Variants in WDR33 observed in about 807,000 individuals in gnomAD.
WDR33 encodes WD repeat domain 33.
In WDR33, 47 loss-of-function variants were observed where a neutral mutation model predicts 164.9. That is an observed-to-expected ratio of 0.29 (90% CI 0.23 to 0.36). The LOEUF (loss-of-function observed/expected upper bound fraction) is 0.36, where lower values mean the gene tolerates loss of function less well. Among genes scored for constraint, WDR33 ranks in the 10% least tolerant of loss-of-function variants. The probability of loss-of-function intolerance (pLI) is 1.00; values close to 1 mark genes in which losing one functional copy is unlikely to be tolerated. For missense variants in WDR33, 1,137 were observed against 1,754.1 expected (o/e 0.65, Z 6.28); for synonymous variants, 505 against 589.0 (o/e 0.86, Z 2.06).
Position 127,702,241 on chromosome 2 carries a change from G to T in WDR33, c.*4082C>A, listed in dbSNP as rs1036440379. 8.5e-6 allele frequency: 10 copies of T among 1,181,506 alleles called. No individual in the cohort carries two copies. Among genetic ancestry groups the T allele is most frequent in the Non-Finnish European group, 1.1e-5 (10 of 946,888 alleles). 73.2% of individuals were successfully genotyped at this position (1,181,506 alleles called of 1,614,324 possible). A position where few individuals can be genotyped will look rare whatever the true frequency, so the allele number is the denominator to read the frequency against. On this transcript the variant is annotated 3_prime_UTR_variant, in exon 22 of 22. Transcript: ENST00000322313. ...AGCGCCGTCGGAGACCGCGCCGGCC[G>T]AGCTGAGGACTGCACGCCGCTGTGC...
In WDR33 at chr2:127,709,008, C is replaced by A; in HGVS notation, c.3566-116G>T. ...AGCCACCGTTCACTCATGCTGAATG[C>A]CCGCCAGAGGCCAAAGGGTAAGCCA... On this transcript the variant is annotated intron_variant, in intron 20 of 21. Coordinates refer to ENST00000322313, the MANE Select transcript of WDR33 (RefSeq NM_018383.5). This position sits in a 1 kb window ranked among gnomAD's most constrained non-coding sequence, Gnocchi z 5.0. The A allele has an allele frequency of 8.6e-7, 1 of 1,169,070 alleles. No homozygotes were observed. The highest frequency in any genetic ancestry group is 1.1e-6 in the Non-Finnish European group (1 of 874,410). 72.4% of individuals were successfully genotyped at this position (1,169,070 alleles called of 1,614,324 possible).
At position 127,702,444 on chromosome 2, in the gene WDR33, G is replaced by C. The variant is rs1036888488; in HGVS notation, c.*3879C>G. ...TTGAACTGGTGACAGGATGTGAGAC[G>C]GTTATTAGAAGTTGCTTTCGAAGTA... On this transcript the variant is annotated 3_prime_UTR_variant, in exon 22 of 22. Coordinates refer to ENST00000322313, the MANE Select transcript of WDR33 (RefSeq NM_018383.5). 12 of 262,136 alleles carry C rather than the reference G, an allele frequency of 4.6e-5. No homozygotes were observed. Among genetic ancestry groups the C allele is most frequent in the Middle Eastern group, 1.3e-3 (1 of 790 alleles). The allele number at this position is 262,136 out of a possible 1,614,324, so 16.2% of individuals were successfully genotyped here. A position where few individuals can be genotyped will look rare whatever the true frequency, so the allele number is the denominator to read the frequency against.
chr2:127,738,244 A>T lies in WDR33; in HGVS notation c.725-11467T>A, dbSNP rs1282990034. Among the ~76,000 whole-genome samples, 1 of 152,190 alleles carries T rather than the reference A, an allele frequency of 6.6e-6. No individual in the cohort carries two copies. The highest frequency in any genetic ancestry group is 1.5e-5 in the Non-Finnish European group (1 of 68,034). On this transcript the variant is annotated intron_variant, in intron 7 of 21. Coordinates refer to ENST00000322313, the MANE Select transcript of WDR33 (RefSeq NM_018383.5). The surrounding 1 kb of genome is among the most constrained non-coding windows in gnomAD (Gnocchi z 4.4). ...CCATTTCTGTTTCAAAGAAAAATGT[A>T]ATCTGAGAAAACTTCAACTGGGAGC...
Position 127,702,478 on chromosome 2 carries a change from C to T in WDR33, c.*3845G>A, listed in dbSNP as rs1685918545. The T allele has an allele frequency of 4.5e-6, 1 of 220,136 alleles. No homozygotes were observed. The highest frequency in any genetic ancestry group is 9.7e-6 in the Non-Finnish European group (1 of 103,298). 13.6% of individuals were successfully genotyped at this position (220,136 alleles called of 1,614,324 possible). On this transcript the variant is annotated 3_prime_UTR_variant, in exon 22 of 22. Coordinates refer to ENST00000322313, the MANE Select transcript of WDR33 (RefSeq NM_018383.5). ...AAGTTGCTTTCGAAGTAACTGTGGTCTTAGGTTCGGCTGAGTAAAGAAAAA... is the reference window on the plus strand; with the variant it reads ...AAGTTGCTTTCGAAGTAACTGTGGTTTTAGGTTCGGCTGAGTAAAGAAAAA...
chr2:127,724,406 C>A lies in WDR33; in HGVS notation c.1123G>T (p.Glu375Ter), dbSNP rs1686513385. 1 of 1,614,042 alleles carries A rather than the reference C, an allele frequency of 6.2e-7. No homozygotes were observed. Among genetic ancestry groups the A allele is most frequent in the Admixed American group, 1.7e-5 (1 of 60,006 alleles). ...CAAGCCAGACTCCAGATCATCCCTTCGTGAGCCATCTCCATCCCACCCACT... is the reference window on the plus strand; with the variant it reads ...CAAGCCAGACTCCAGATCATCCCTTAGTGAGCCATCTCCATCCCACCCACT... ...KEVGGMEMAH[E>*]GMIWSLAWHP... The change falls in exon 11 of 22, where the codon GAA (glutamate) becomes TAA (stop). Residue 375 changes from glutamate (E) to a stop codon, truncating the protein, a stop_gained. Coordinates refer to ENST00000322313, the MANE Select transcript of WDR33 (RefSeq NM_018383.5). LOFTEE classifies it high-confidence loss of function. This position sits in a 1 kb window ranked among gnomAD's most constrained non-coding sequence, Gnocchi z 4.8.
Position 127,735,279 on chromosome 2 carries a change from C to G in WDR33, c.725-8502G>C. 1 of 673,300 alleles carries G rather than the reference C, an allele frequency of 1.5e-6. No individual in the cohort carries two copies. Among genetic ancestry groups the G allele is most frequent in the Non-Finnish European group, 1.8e-6 (1 of 545,216 alleles). 41.7% of individuals were successfully genotyped at this position (673,300 alleles called of 1,614,324 possible). A position where few individuals can be genotyped will look rare whatever the true frequency, so the allele number is the denominator to read the frequency against. On this transcript the variant is annotated intron_variant, in intron 7 of 21. Transcript: ENST00000322313. The surrounding 1 kb of genome is among the most constrained non-coding windows in gnomAD (Gnocchi z 4.3). ...CTCACCCCTCCTCCACCTGATCACC[C>G]CTCCTCCACCTCATCAGATCCTAAG...
intron 7 of WDR33, among the ~76,000 whole-genome samples, chr2:127,728,320 T>C (rs934592215): frequency 6.6e-6 from 1 of 152,146 alleles, no homozygotes; most frequent in Non-Finnish European, 1.5e-5. Flanking sequence ...TTTAAAAAAA[T>C]ACACCAGTGT....
Position 127,718,291 on chromosome 2 carries a change from C to T in WDR33, c.2760+974G>A, listed in dbSNP as rs1438541460. On this transcript the variant is annotated intron_variant, in intron 16 of 21. Coordinates refer to ENST00000322313, the MANE Select transcript of WDR33 (RefSeq NM_018383.5). This position sits in a 1 kb window ranked among gnomAD's most constrained non-coding sequence, Gnocchi z 4.4. ...TGTGCTTTCTACATCTGTAGCATCC[C>T]CTTTCTCCAAGTGTCTCAGGGAGTC... Among the ~76,000 whole-genome samples, 3 of 152,072 alleles carry T rather than the reference C, an allele frequency of 2.0e-5. No individual in the cohort carries two copies. Among genetic ancestry groups the T allele is most frequent in the South Asian group, 2.1e-4 (1 of 4,830 alleles).
intron 7 of WDR33, among the ~76,000 whole-genome samples, chr2:127,740,825 C>T (rs1325724118): frequency 6.6e-6 from 1 of 152,162 alleles, no homozygotes; most frequent in Non-Finnish European, 1.5e-5. Flanking sequence ...AAGCCTCTTC[C>T]TAAATTACTT....
intron 7 of WDR33, among the ~76,000 whole-genome samples, chr2:127,744,314 AC>A (rs1687107779): frequency 6.6e-6 from 1 of 152,184 alleles, no homozygotes; most frequent in Non-Finnish European, 1.5e-5. Context: ...TTAGTGCACA[AC>A]TGTGTCTTGG....
rs1686808233 is a variant in WDR33 at position 127,735,125 on chromosome 2, T to C, written c.725-8348A>G. ...TTCCCTGTCCCAGAACCGTAAAGTGTAGTGCAGTGAAGGCTAGAACCAGTA... is the reference window on the plus strand; with the variant it reads ...TTCCCTGTCCCAGAACCGTAAAGTGCAGTGCAGTGAAGGCTAGAACCAGTA... On this transcript the variant is annotated intron_variant, in intron 7 of 21. Transcript: ENST00000322313. This position sits in a 1 kb window ranked among gnomAD's most constrained non-coding sequence, Gnocchi z 4.3. Among the ~76,000 whole-genome samples the C allele has an allele frequency of 1.3e-5, 2 of 152,202 alleles. No homozygotes were observed. Among genetic ancestry groups the C allele is most frequent in the South Asian group, 4.1e-4 (2 of 4,834 alleles).
chr2:127,784,998 G>A (rs1016147775), intron 1 of WDR33, among the ~76,000 whole-genome samples: 1 of 152,098 alleles, frequency 6.6e-6, no homozygotes, highest in Non-Finnish European at 1.5e-5. Flanking sequence ...CTGACAACAA[G>A]CTTTCCAAAC....
In WDR33 at chr2:127,702,283, G is replaced by T; in HGVS notation, c.*4040C>A. The T allele has an allele frequency of 9.2e-7, 1 of 1,085,748 alleles. No homozygotes were observed. 67.3% of individuals were successfully genotyped at this position (1,085,748 alleles called of 1,614,324 possible). A position where few individuals can be genotyped will look rare whatever the true frequency, so the allele number is the denominator to read the frequency against. ...CCGCTGTGCGGAAGCCCGTGGCGAAGGCCCTGCCCTAACAGCCTGCGAGTC... is the reference window on the plus strand; with the variant it reads ...CCGCTGTGCGGAAGCCCGTGGCGAATGCCCTGCCCTAACAGCCTGCGAGTC... On this transcript the variant is annotated 3_prime_UTR_variant, in exon 22 of 22. Coordinates refer to ENST00000322313, the MANE Select transcript of WDR33 (RefSeq NM_018383.5).
At chr2:127,782,411 T>C (rs1396716348) in intron 1 of WDR33, among the ~76,000 whole-genome samples, 2 of 151,864 alleles carry the variant, frequency 1.3e-5, no homozygotes, top group Non-Finnish European at 2.9e-5. Flanking sequence ...GCAGATCAAT[T>C]TTGAGAAAAT....
At chr2:127,789,750 TTTACTA>T (rs201640980) in intron 1 of WDR33, among the ~76,000 whole-genome samples, 9,911 of 152,026 alleles carry the variant, frequency 0.065, 423 homozygotes, top group Middle Eastern at 0.16. Context: ...GCATTTCTCC[TTTACTA>T]TTAAGTATGA....
chr2:127,725,792 G>A (rs539370232), intron 8 of WDR33, among the ~76,000 whole-genome samples: 1 of 150,804 alleles, frequency 6.6e-6, no homozygotes, highest in African/African-American at 2.4e-5. Context: ...CAGTAGCAGA[G>A]CTTCCACTGA....
chr2:127,710,226 GAC>G lies in WDR33; in HGVS notation c.3309-372_3309-371del, dbSNP rs1382897952. On this transcript the variant is annotated intron_variant, in intron 18 of 21. Transcript: ENST00000322313. The surrounding 1 kb of genome is among the most constrained non-coding windows in gnomAD (Gnocchi z 4.4). ...AGATTGCTGACATCATTTATTCAAG[GAC>G]ACAGAGTAAGTGCTGGTGATCTGAA... Among the ~76,000 whole-genome samples the G allele has an allele frequency of 1.4e-4, 22 of 152,310 alleles. No homozygotes were observed. The highest frequency in any genetic ancestry group is 1.5e-4 in the Non-Finnish European group (10 of 68,024).
At chr2:127,750,710 A>ATATG (rs3991687) in intron 7 of WDR33, among the ~76,000 whole-genome samples, 2 of 57,506 alleles carry the variant, frequency 3.5e-5, no homozygotes, top group Admixed American at 1.8e-4. Context: ...ATATATATAT[A>ATATG]TATGTATGTA....
intron 7 of WDR33, among the ~76,000 whole-genome samples, chr2:127,729,556 A>G (rs1200291868): frequency 2.7e-5 from 4 of 150,160 alleles, no homozygotes; most frequent in Non-Finnish European, 4.4e-5. Flanking sequence ...CAGTGGCGCC[A>G]TCTCGGCTCA....
Sources: gnomAD v4.1 joint callset for allele counts (sites outside exome capture counted in the v4.1 genomes callset) on GRCh38, gnomAD v4.1.1 for gene constraint, Gnocchi (gnomAD v3.1) non-coding constraint, MANE v1.5 for transcripts, NCBI Gene and HGNC (gene_info 2026-07-23, HGNC 2026-07-21) for gene names.